Variants in EPHA4 observed in about 807,000 individuals in gnomAD.
EPHA4 encodes ephrin type-A receptor 4.
EPHA4 carries 19 observed loss-of-function variants against 108.3 expected under a neutral mutation model. The observed-to-expected ratio is 0.18, with a 90% CI of 0.12 to 0.26. The LOEUF (loss-of-function observed/expected upper bound fraction) is 0.26. Ranked by LOEUF, EPHA4 falls within the 10% of genes least tolerant of loss-of-function variation. The probability of loss-of-function intolerance (pLI) is 1.00; values close to 1 mark genes in which losing one functional copy is unlikely to be tolerated. For missense variants in EPHA4, 917 were observed against 1,254.0 expected, an observed-to-expected ratio of 0.73 and a Z score of 4.06; for synonymous variants, 449 against 455.5, an observed-to-expected ratio of 0.99 and a Z score of 0.18.
chr2:221,457,385 T>G (rs986423037), intron 6 of EPHA4, among the ~76,000 whole-genome samples: 16 of 152,214 alleles, frequency 1.1e-4, no homozygotes, highest in African/African-American at 3.9e-4. Context: ...CTTCCCTGAC[T>G]TTCTATTAAA....
intron 3 of EPHA4, among the ~76,000 whole-genome samples, chr2:221,540,196 A>T (rs1306206339): frequency 6.6e-6 from 1 of 152,246 alleles, no homozygotes; most frequent in Non-Finnish European, 1.5e-5. Flanking sequence ...CTGAGATTAC[A>T]GGCAGGAGCC....
intron 11 of EPHA4, chr2:221,437,564 T>C (rs1690280831): frequency 1.3e-5 from 2 of 154,422 alleles, no homozygotes; most frequent in Admixed American, 1.3e-4. Context: ...GAGAAATCCA[T>C]GTTTCAGGGA....
chr2:221,512,288 T>C (rs1011934450), intron 3 of EPHA4, among the ~76,000 whole-genome samples: 7 of 152,214 alleles, frequency 4.6e-5, no homozygotes, highest in Non-Finnish European at 1.0e-4. Flanking sequence ...ATGAACTAAA[T>C]GTAGAAAGTA....
At chr2:221,462,001 TACATTC>T (rs1691160024) in intron 5 of EPHA4, among the ~76,000 whole-genome samples, 4 of 150,798 alleles carry the variant, frequency 2.7e-5, no homozygotes, top group African/African-American at 4.9e-5. Context: ...TTTTTTTTTT[TACATTC>T]TTACTACAAG....
chr2:221,421,315 GA>G (rs918310542), intron 17 of EPHA4, among the ~76,000 whole-genome samples: 1 of 151,112 alleles, frequency 6.6e-6, no homozygotes, highest in African/African-American at 2.4e-5. Flanking sequence ...AAAAAGAAAA[GA>G]AAAAAAAGAA....
chr2:221,463,658 C>A (rs560160116), intron 5 of EPHA4, among the ~76,000 whole-genome samples: 1 of 152,196 alleles, frequency 6.6e-6, no homozygotes, highest in Admixed American at 6.5e-5. Flanking sequence ...CAAAGCTCAG[C>A]AGTTCTCCTT....
At chr2:221,557,356 A>G (rs1220948891) in intron 3 of EPHA4, among the ~76,000 whole-genome samples, 1 of 152,212 alleles carries the variant, frequency 6.6e-6, no homozygotes, top group Non-Finnish European at 1.5e-5. Context: ...TTGATCAAAC[A>G]GCCCATATTG....
intron 3 of EPHA4, among the ~76,000 whole-genome samples, chr2:221,542,591 G>C (rs990564310): frequency 6.6e-6 from 1 of 152,194 alleles, no homozygotes; most frequent in Admixed American, 6.5e-5. Context: ...TAAGACTACA[G>C]TGTCCAAGCC....
At chr2:221,509,382 T>C (rs941249795) in intron 3 of EPHA4, among the ~76,000 whole-genome samples, 1 of 152,156 alleles carries the variant, frequency 6.6e-6, no homozygotes, top group Non-Finnish European at 1.5e-5. Context: ...TATTTCGAGA[T>C]TTTTTTGTGC....
intron 4 of EPHA4, among the ~76,000 whole-genome samples, chr2:221,488,153 C>G (rs558565779): frequency 2.8e-4 from 43 of 152,240 alleles, no homozygotes; most frequent in Non-Finnish European, 1.5e-4. Flanking sequence ...GGCTGTGCTC[C>G]AAGAAAACTT....
intron 2 of EPHA4, among the ~76,000 whole-genome samples, chr2:221,566,848 GAGAAGGAGAAGAAGA>G (rs1694651504): frequency 2.5e-5 from 1 of 39,512 alleles, no homozygotes; most frequent in African/African-American, 1.4e-4. Flanking sequence ...GAAGGAGAAG[GAGAAGGAGAAGAAGA>G]AGAAGAAGAA....
In EPHA4 at chr2:221,545,799, A is replaced by G. The variant is rs1693979657; in HGVS notation, c.823+17932T>C. Among the ~76,000 whole-genome samples, 3 of 152,058 alleles carry G rather than the reference A, an allele frequency of 2.0e-5. 1 individual carries two copies. Among genetic ancestry groups the G allele is most frequent in the African/African-American group, 7.2e-5 (3 of 41,416 alleles). ...CACATACACACACCACCCGCACACA[A>G]TGTGTCCCTCTTCTGTTGACCTGGA... is the stretch of plus-strand genomic sequence containing the variant. On this transcript the variant is annotated intron_variant, in intron 3 of 17. Coordinates refer to ENST00000281821, the MANE Select transcript of EPHA4 (RefSeq NM_004438.5).
intron 5 of EPHA4, among the ~76,000 whole-genome samples, chr2:221,476,456 A>G (rs1288727097): frequency 6.6e-6 from 1 of 152,198 alleles, no homozygotes; most frequent in Admixed American, 6.5e-5. Flanking sequence ...CATTTATCTC[A>G]ACATAGTCAG....
intron 4 of EPHA4, among the ~76,000 whole-genome samples, chr2:221,492,340 A>G (rs955639984): frequency 3.3e-5 from 5 of 151,998 alleles, no homozygotes; most frequent in Non-Finnish European, 5.9e-5. Flanking sequence ...GTATGTGGGG[A>G]AAAAAAAGAG....
chr2:221,492,186 G>T (rs1692164993), intron 4 of EPHA4, among the ~76,000 whole-genome samples: 1 of 152,098 alleles, frequency 6.6e-6, no homozygotes, highest in South Asian at 2.1e-4. Context: ...AATTATTCAG[G>T]GTGGTAGAAA....
chr2:221,421,301 AAAAAAAAAGAAAAG>A (rs1689755493), intron 17 of EPHA4, among the ~76,000 whole-genome samples: 1 of 151,656 alleles, frequency 6.6e-6, no homozygotes, highest in Admixed American at 6.6e-5. Context: ...CTCTGTCTCA[AAAAAAAAAGAAAAG>A]AAAAAAAAGA....
chr2:221,547,230 C>G (rs770609337), intron 3 of EPHA4, among the ~76,000 whole-genome samples: 4 of 152,174 alleles, frequency 2.6e-5, no homozygotes, highest in Non-Finnish European at 5.9e-5. Context: ...AATATTCTAC[C>G]TGAATCAGCT....
intron 4 of EPHA4, among the ~76,000 whole-genome samples, chr2:221,489,823 C>T (rs1692086120): frequency 6.6e-6 from 1 of 152,050 alleles, no homozygotes; most frequent in Admixed American, 6.6e-5. Flanking sequence ...TAGCCCAGTC[C>T]AGCTCACTAA....
intron 5 of EPHA4, among the ~76,000 whole-genome samples, chr2:221,468,181 G>T (rs1163443817): frequency 2.0e-5 from 3 of 151,732 alleles, no homozygotes; most frequent in Non-Finnish European, 4.4e-5. Flanking sequence ...CACCAAATGG[G>T]GGTCTCCATG....
Sources: gnomAD v4.1 joint callset for allele counts (sites outside exome capture counted in the v4.1 genomes callset) on GRCh38, gnomAD v4.1.1 for gene constraint, MANE v1.5 for transcripts, NCBI Gene and HGNC (gene_info 2026-07-23, HGNC 2026-07-21) for gene names.